The following FMN1 variants were observed in gnomAD, a reference collection of about 807,000 sequenced individuals.
FMN1 encodes the protein formin 1.
A neutral mutation model predicts 132.4 loss-of-function variants in FMN1; 110 were observed. The observed-to-expected ratio is 0.83, with a 90% CI of 0.71 to 0.97. FMN1 has a LOEUF of 0.97. Ranked by LOEUF, FMN1 falls within the 50% of genes least tolerant of loss-of-function variation. The pLI, the probability that FMN1 is intolerant of heterozygous loss-of-function variation, is 0.00. For synonymous variants in FMN1, 722 were observed against 651.7 expected (o/e 1.11, Z -1.64); for missense variants, 1,792 against 1,705.3 (o/e 1.05, Z -0.90).
At chr15:33,024,865 CAG>C (rs1209236228) in intron 6 of FMN1, among the ~76,000 whole-genome samples, 1 of 152,142 alleles carries the variant, frequency 6.6e-6, no homozygotes, top group African/African-American at 2.4e-5. Context: ...TACATTCACT[CAG>C]AGTGATATTA....
chr15:32,800,084 C>T (rs1419934055), intron 18 of FMN1, among the ~76,000 whole-genome samples: 1 of 152,102 alleles, frequency 6.6e-6, no homozygotes, highest in Non-Finnish European at 1.5e-5. Context: ...ACTTTCATCT[C>T]ATTCTCGGTT....
intron 4 of FMN1, among the ~76,000 whole-genome samples, chr15:33,137,087 CAAAAAAAAAAAAAAAAA>C (rs3082373): frequency 1.9e-5 from 1 of 52,424 alleles, no homozygotes; most frequent in Non-Finnish European, 3.3e-5. Context: ...GACCCCGTCT[CAAAAAAAAAAAAAAAAA>C]AAAAAAAAAA....
chr15:33,153,888 C>T lies in FMN1; in HGVS notation c.1027G>A (p.Val343Ile), dbSNP rs1341008265. 2.6e-6 allele frequency: 4 copies of T among 1,536,694 alleles called. No homozygotes were observed. The South Asian group carries it at 4.8e-5, about 18-fold the overall frequency. The change falls in exon 4 of 21, where the codon GTA becomes ATA. Residue 343 changes from valine to isoleucine, a missense_variant. Around this residue, in one of 3 missense-constraint regions of FMN1, gnomAD observed 638 missense variants for 645.2 expected, o/e 0.99. Coordinates refer to ENST00000616417, the MANE Select transcript of FMN1 (RefSeq NM_001277313.2). The part of the protein sequence containing the change: ...VQDLSSQVQR[V>I]VKTHSKGKET... ...TTACCCTTAGAATGCGTTTTAACTA[C>T]TCTTTGTACCTGGGAGGACAGGTCC...
Position 32,926,260 on chromosome 15 carries a change from A to G in FMN1, c.3140T>C (p.Ile1047Thr). Residue 1047 changes from isoleucine to threonine, a missense_variant and splice_region_variant, in exon 10 of 21, where the codon ATC becomes ACC. Coordinates refer to ENST00000616417, the MANE Select transcript of FMN1 (RefSeq NM_001277313.2). ...TCGTTTTCCATCCAACAATTTGATG[A>G]TCTAAAATTAGAAAAAAAAAAAAAA... ...TYEKKNKVKKIIKLLDGKRSQ... is the reference protein window; with the variant it reads ...TYEKKNKVKKTIKLLDGKRSQ... The G allele has an allele frequency of 6.8e-7, 1 of 1,472,400 alleles. No individual in the cohort carries two copies. Among genetic ancestry groups the G allele is most frequent in the Non-Finnish European group, 9.2e-7 (1 of 1,088,866 alleles). The allele number at this position is 1,472,400 out of a possible 1,614,324, so 91.2% of individuals were successfully genotyped here.
chr15:33,160,183 GAAAAAA>G (rs35452985), intron 3 of FMN1, among the ~76,000 whole-genome samples: 1 of 151,836 alleles, frequency 6.6e-6, no homozygotes, highest in Non-Finnish European at 1.5e-5. Flanking sequence ...GAAGGGCTTT[GAAAAAA>G]AATGAAGAGA....
Position 32,896,735 on chromosome 15 carries a change from G to T in FMN1, c.3714+2099C>A, listed in dbSNP as rs191493534. Among the ~76,000 whole-genome samples, 648 of 152,196 alleles carry T rather than the reference G, an allele frequency of 4.3e-3. 1 individual carries two copies. The highest frequency in any genetic ancestry group is 0.015 in the African/African-American group (616 of 41,550). On this transcript the variant is annotated intron_variant, in intron 15 of 20. Coordinates refer to ENST00000616417, the MANE Select transcript of FMN1 (RefSeq NM_001277313.2). ...AGGCTGACCCCATGTTGCAGCATAC[G>T]ACAGAATTTATTTCTTCTTTATGGT...
At chr15:32,801,000 A>G (rs1343720817) in intron 18 of FMN1, among the ~76,000 whole-genome samples, 1 of 152,310 alleles carries the variant, frequency 6.6e-6, no homozygotes, top group East Asian at 1.9e-4. Flanking sequence ...TAGTATTTAG[A>G]GGGACAACTT....
intron 4 of FMN1, among the ~76,000 whole-genome samples, chr15:33,133,532 T>C (rs1346286428): frequency 1.3e-5 from 2 of 152,202 alleles, no homozygotes; most frequent in African/African-American, 2.4e-5. Context: ...ATTAGCTACT[T>C]GACCTAAGGA....
At chr15:33,126,610 G>A (rs1489512367) in intron 4 of FMN1, among the ~76,000 whole-genome samples, 4 of 152,226 alleles carry the variant, frequency 2.6e-5, no homozygotes, top group African/African-American at 7.2e-5. Context: ...AAAGAAGAAA[G>A]GAAGCAGCAG....
intron 17 of FMN1, among the ~76,000 whole-genome samples, chr15:32,841,555 A>G (rs1480158946): frequency 3.3e-5 from 5 of 152,198 alleles, no homozygotes; most frequent in African/African-American, 1.2e-4. Context: ...GCGGAGTAGA[A>G]AACTGCAGCA....
intron 17 of FMN1, among the ~76,000 whole-genome samples, chr15:32,832,405 T>A (rs2058523423): frequency 6.6e-6 from 1 of 152,200 alleles, no homozygotes; most frequent in Non-Finnish European, 1.5e-5. Flanking sequence ...GCTTCCCTAA[T>A]TTTTCTTCAC....
intron 18 of FMN1, among the ~76,000 whole-genome samples, chr15:32,801,895 G>A (rs1267483605): frequency 6.6e-6 from 1 of 152,218 alleles, no homozygotes; most frequent in Non-Finnish European, 1.5e-5. Context: ...ACCTGCAATG[G>A]TTTGATAAGG....
At chr15:33,016,125 AAATT>A (rs1203957596) in intron 6 of FMN1, among the ~76,000 whole-genome samples, 4 of 149,556 alleles carry the variant, frequency 2.7e-5, no homozygotes, top group African/African-American at 9.7e-5. Context: ...TTAAAATAAC[AAATT>A]AAATAATAGT....
chr15:32,949,970 C>T (rs369736774), intron 9 of FMN1, among the ~76,000 whole-genome samples: 2,026 of 7,416 alleles, frequency 0.27, 404 homozygotes, highest in Middle Eastern at 0.57. Context: ...TATATACACA[C>T]ATATATATAC....
In FMN1 at chr15:32,926,227, G is replaced by GT. The variant is rs1449395954; in HGVS notation, c.3172dup (p.Thr1058AsnfsTer8). On this transcript the variant is annotated frameshift_variant, in exon 10 of 21. Transcript: ENST00000616417. LOFTEE classifies it high-confidence loss of function. Reference sequence around the variant, plus strand: ...TAAACTAGATATCAAGATTCCCACAGTTTGAGATCGTTTTCCATCCAACAA... The same window carrying GT: ...TAAACTAGATATCAAGATTCCCACAGTTTTGAGATCGTTTTCCATCCAACAA... The GT allele has an allele frequency of 6.5e-7, 1 of 1,527,348 alleles. No homozygotes were observed. The highest frequency in any genetic ancestry group is 8.9e-7 in the Non-Finnish European group (1 of 1,127,852). 94.6% of individuals were successfully genotyped at this position (1,527,348 alleles called of 1,614,324 possible).
intron 6 of FMN1, among the ~76,000 whole-genome samples, chr15:33,010,313 T>C (rs1010476066): frequency 2.0e-5 from 3 of 151,340 alleles, no homozygotes; most frequent in African/African-American, 7.3e-5. Context: ...GAGATGGGGG[T>C]TTGGGGAGGG....
At chr15:32,806,097 A>G (rs72717664) in intron 17 of FMN1, among the ~76,000 whole-genome samples, 13 of 152,136 alleles carry the variant, frequency 8.5e-5, no homozygotes, top group African/African-American at 1.2e-4. Flanking sequence ...AAGCTACAAC[A>G]TAAGTTGTTA....
chr15:32,914,242 T>G (rs938603347), intron 10 of FMN1, among the ~76,000 whole-genome samples: 1 of 152,242 alleles, frequency 6.6e-6, no homozygotes, highest in African/African-American at 2.4e-5. Context: ...ACTATTATAT[T>G]GCTTTAGGCA....
At chr15:32,998,099 A>G (rs982275963) in intron 7 of FMN1, among the ~76,000 whole-genome samples, 1 of 152,232 alleles carries the variant, frequency 6.6e-6, no homozygotes. Flanking sequence ...TTTGGCAACT[A>G]GAGCATCCAT....
Sources: allele counts gnomAD v4.1 joint callset (sites outside exome capture counted in the v4.1 genomes callset), GRCh38; gene constraint gnomAD v4.1.1; regional missense constraint gnomAD v4.1.1; transcripts MANE v1.5; gene names NCBI Gene and HGNC (gene_info 2026-07-23, HGNC 2026-07-21).